Variants in TRPM3 observed in about 807,000 individuals in gnomAD.
TRPM3 encodes the protein transient receptor potential cation channel subfamily M member 3, also known as long transient receptor potential channel 3.
A neutral mutation model predicts 181.2 loss-of-function variants in TRPM3; 77 were observed. The ratio of observed to expected loss-of-function variants is 0.42; its 90% CI spans 0.35 to 0.51. The LOEUF (loss-of-function observed/expected upper bound fraction) is 0.51, where lower values mean the gene tolerates loss of function less well. Among genes scored for constraint, TRPM3 ranks in the 20% least tolerant of loss-of-function variants. TRPM3 has a pLI of 0.01. For synonymous variants in TRPM3, 745 were observed against 796.4 expected, an observed-to-expected ratio of 0.94 and a Z score of 1.09; for missense variants, 1,759 against 2,196.7, an observed-to-expected ratio of 0.80 and a Z score of 3.98.
intron 1 of TRPM3, among the ~76,000 whole-genome samples, chr9:71,300,966 T>A (rs2086714696): frequency 6.6e-6 from 1 of 152,172 alleles, no homozygotes; most frequent in Non-Finnish European, 1.5e-5. Context: ...ACATATTCAA[T>A]GGCTAATATG....
chr9:71,212,613 T>G (rs990825248), intron 1 of TRPM3, among the ~76,000 whole-genome samples: 2 of 152,184 alleles, frequency 1.3e-5, no homozygotes, highest in African/African-American at 4.8e-5. Context: ...AGAAGGTGCA[T>G]GGCTGACACT....
At chr9:71,032,033 A>T (rs7021307) in intron 1 of TRPM3, among the ~76,000 whole-genome samples, 28 of 968 alleles carry the variant, frequency 0.029, 1 homozygote, top group Admixed American at 0.038. Flanking sequence ...ATATAATATA[A>T]ATATATATAT....
intron 1 of TRPM3, among the ~76,000 whole-genome samples, chr9:71,066,285 C>T (rs985905473): frequency 6.6e-6 from 1 of 152,102 alleles, no homozygotes. Context: ...ATTCAAATAT[C>T]GGCAAACTTG....
At chr9:71,343,014 A>G (rs1290458282) in intron 1 of TRPM3, among the ~76,000 whole-genome samples, 1 of 152,142 alleles carries the variant, frequency 6.6e-6, no homozygotes, top group Non-Finnish European at 1.5e-5. Flanking sequence ...AAATAAAAAA[A>G]TAAATATGCT....
intron 8 of TRPM3, among the ~76,000 whole-genome samples, chr9:70,750,636 C>G (rs1008583406): frequency 6.6e-6 from 1 of 151,978 alleles, no homozygotes; most frequent in Non-Finnish European, 1.5e-5. Context: ...GAGACACTGC[C>G]GAAAGAAACT....
chr9:71,041,266 C>T (rs2058781073), intron 1 of TRPM3, among the ~76,000 whole-genome samples: 1 of 152,058 alleles, frequency 6.6e-6, no homozygotes, highest in Non-Finnish European at 1.5e-5. Context: ...AAAATGGAAA[C>T]ATGAAAAAAT....
intron 1 of TRPM3, among the ~76,000 whole-genome samples, chr9:71,010,932 TAC>T (rs60869396): frequency 0.34 from 50,609 of 146,924 alleles, 8,655 homozygotes; most frequent in Admixed American, 0.41. Flanking sequence ...CACACACACA[TAC>T]ACACACACAC....
chr9:70,678,460 G>A (rs1446001984), intron 9 of TRPM3, among the ~76,000 whole-genome samples: 1 of 152,028 alleles, frequency 6.6e-6, no homozygotes, highest in Non-Finnish European at 1.5e-5. Flanking sequence ...ACAGACACTG[G>A]ATAAGTCTGT....
chr9:71,140,385 C>G (rs1465681988), intron 1 of TRPM3, among the ~76,000 whole-genome samples: 1 of 152,106 alleles, frequency 6.6e-6, no homozygotes, highest in Non-Finnish European at 1.5e-5. Flanking sequence ...TCAACATTGT[C>G]TTTCATTTCC....
chr9:70,928,596 G>A (rs1027600280), intron 1 of TRPM3, among the ~76,000 whole-genome samples: 16 of 152,188 alleles, frequency 1.1e-4, no homozygotes, highest in African/African-American at 3.9e-4. Flanking sequence ...AACATGGGAT[G>A]ACCTCTCTGT....
rs548077960 is a variant in TRPM3, at chr9:71,375,921, A to G, written c.183+70732T>C. 5.4e-4 allele frequency among the ~76,000 whole-genome samples: 83 copies of G among 152,316 alleles called. 1 individual carries two copies. Among genetic ancestry groups the G allele is most frequent in the African/African-American group, 1.9e-3 (80 of 41,582 alleles). On this transcript the variant is annotated intron_variant, in intron 1 of 24. Coordinates refer to the TRPM3 transcript ENST00000357533. ...TAATACACTACAGTGTAGTGTAAAC[A>G]TAACACTTATATGTACTGGGAATCT...
chr9:70,933,675 C>G (rs575849868), intron 1 of TRPM3, among the ~76,000 whole-genome samples: 18 of 151,408 alleles, frequency 1.2e-4, no homozygotes, highest in African/African-American at 4.4e-4. Context: ...AGAGTCATAG[C>G]TGAAGGGGGA....
intron 1 of TRPM3, among the ~76,000 whole-genome samples, chr9:71,056,782 T>A (rs1184871994): frequency 6.6e-6 from 1 of 151,968 alleles, no homozygotes; most frequent in Admixed American, 6.6e-5. Flanking sequence ...ATCTTGAAAT[T>A]CTAGTCTCCA....
intron 1 of TRPM3, among the ~76,000 whole-genome samples, chr9:71,120,870 T>C (rs2134380039): frequency 6.6e-6 from 1 of 152,168 alleles, no homozygotes; most frequent in East Asian, 1.9e-4. Context: ...CCCAAAGAAG[T>C]TAATTAATTC....
At chr9:70,917,133 G>T in intron 1 of TRPM3, 16 of 1,605,614 alleles carry the variant, frequency 1.0e-5, no homozygotes, top group Non-Finnish European at 1.4e-5. Flanking sequence ...GTTCGGATGA[G>T]TTCGGCCACA....
intron 1 of TRPM3, among the ~76,000 whole-genome samples, chr9:71,417,272 G>C (rs1359410898): frequency 6.6e-6 from 1 of 151,954 alleles, no homozygotes; most frequent in African/African-American, 2.4e-5. Flanking sequence ...ACACATGTGA[G>C]TTTCAATTGT....
At chr9:70,833,009 T>C (rs1049205567) in intron 5 of TRPM3, among the ~76,000 whole-genome samples, 3 of 152,230 alleles carry the variant, frequency 2.0e-5, no homozygotes, top group South Asian at 2.1e-4. Context: ...AACAGATTCA[T>C]TGAAAGAAAC....
chr9:70,928,670 C>A (rs145614110), intron 1 of TRPM3, among the ~76,000 whole-genome samples: 1 of 152,148 alleles, frequency 6.6e-6, no homozygotes, highest in Non-Finnish European at 1.5e-5. Flanking sequence ...TCATGACCAA[C>A]CTGAGCCACT....
At chr9:71,197,454 C>A (rs2078458153) in intron 1 of TRPM3, among the ~76,000 whole-genome samples, 1 of 152,074 alleles carries the variant, frequency 6.6e-6, no homozygotes, top group Admixed American at 6.6e-5. Context: ...ACACTGACTT[C>A]CACAAGGGTT....
Sources: allele counts gnomAD v4.1 joint callset (sites outside exome capture counted in the v4.1 genomes callset), GRCh38; gene constraint gnomAD v4.1.1; transcripts MANE v1.5; gene names NCBI Gene and HGNC (gene_info 2026-07-23, HGNC 2026-07-21).